LRP1B: variants seen among roughly 807,000 people sequenced by gnomAD.
LRP1B encodes LDL receptor related protein 1B.
LRP1B carries 217 observed loss-of-function variants against 556.6 expected under a neutral mutation model. That is an observed-to-expected ratio of 0.39 (90% CI 0.35 to 0.44). The LOEUF (loss-of-function observed/expected upper bound fraction) is 0.44. Ranked by LOEUF, LRP1B falls within the 20% of genes least tolerant of loss-of-function variation. LRP1B has a pLI of 1.00. For synonymous variants in LRP1B, 2,047 were observed against 1,865.8 expected (o/e 1.10, Z -2.50); for missense variants, 5,053 against 5,620.8 (o/e 0.90, Z 3.23).
intron 3 of LRP1B, among the ~76,000 whole-genome samples, chr2:141,354,604 A>ATTAT (rs1372562216): frequency 3.9e-5 from 6 of 152,014 alleles, no homozygotes; most frequent in African/African-American, 9.7e-5. Context: ...CTTTGTAGGC[A>ATTAT]TTATTTCCTA....
chr2:140,913,492 A>G (rs1694484232), intron 21 of LRP1B, among the ~76,000 whole-genome samples: 2 of 152,000 alleles, frequency 1.3e-5, no homozygotes, highest in African/African-American at 4.8e-5. Context: ...CGTAAGGAAA[A>G]AAGCATTTAA....
intron 20 of LRP1B, among the ~76,000 whole-genome samples, chr2:140,948,755 C>T (rs1695618099): frequency 6.6e-6 from 1 of 152,320 alleles, no homozygotes; most frequent in East Asian, 1.9e-4. Flanking sequence ...TGCCTCAGGG[C>T]CTATAGGCCA....
chr2:140,251,288 A>G (rs1445159172), intron 86 of LRP1B, among the ~76,000 whole-genome samples: 2 of 151,844 alleles, frequency 1.3e-5, no homozygotes, highest in African/African-American at 4.8e-5. Flanking sequence ...AGACATATAA[A>G]CCGTCTAAAA....
At chr2:142,086,477 C>A (rs531245934) in intron 1 of LRP1B, among the ~76,000 whole-genome samples, 1 of 152,046 alleles carries the variant, frequency 6.6e-6, no homozygotes, top group African/African-American at 2.4e-5. Flanking sequence ...TGGTGGCGGG[C>A]GCCTGTAGTC....
chr2:140,451,741 T>C lies in LRP1B; in HGVS notation c.9964-1080A>G, dbSNP rs189146240. On this transcript the variant is annotated intron_variant, in intron 62 of 90. Transcript: ENST00000389484. The stretch of plus-strand genomic sequence containing the variant: ...GGACAAAGAAAAATTCTGATCATTT[T>C]TTAAAAAGAGGTAAAAATAAGGCTC... Among the ~76,000 whole-genome samples the C allele has an allele frequency of 1.1e-3, 163 of 152,038 alleles. 1 individual carries two copies. Among genetic ancestry groups the C allele is most frequent in the African/African-American group, 3.8e-3 (156 of 41,502 alleles).
chr2:141,478,129 A>C (rs552076436), intron 3 of LRP1B, among the ~76,000 whole-genome samples: 50 of 152,268 alleles, frequency 3.3e-4, no homozygotes, highest in African/African-American at 1.2e-3. Flanking sequence ...ATAAAATTAA[A>C]AGTATTTTAT....
At chr2:141,610,314 T>G (rs113479220) in intron 2 of LRP1B, among the ~76,000 whole-genome samples, 3,601 of 84,206 alleles carry the variant, frequency 0.043, 161 homozygotes, top group African/African-American at 0.11. Flanking sequence ...ACTTTAAAAC[T>G]TAAAGTATAA....
At chr2:140,441,971 A>C (rs1327553283) in intron 66 of LRP1B, among the ~76,000 whole-genome samples, 1 of 152,210 alleles carries the variant, frequency 6.6e-6, no homozygotes, top group African/African-American at 2.4e-5. Flanking sequence ...ATTGTAAATA[A>C]AATTATTTTA....
At chr2:141,994,573 CTCTA>C (rs1479151298) in intron 1 of LRP1B, among the ~76,000 whole-genome samples, 2 of 151,960 alleles carry the variant, frequency 1.3e-5, no homozygotes. Context: ...GTATATCTAT[CTCTA>C]TCTCTCTATT....
chr2:141,202,374 C>T (rs761986370), intron 6 of LRP1B, among the ~76,000 whole-genome samples: 4 of 152,202 alleles, frequency 2.6e-5, no homozygotes, highest in African/African-American at 9.7e-5. Context: ...CTGCAATTAA[C>T]ATACACGTGC....
chr2:142,063,490 G>A (rs1476473465), intron 1 of LRP1B, among the ~76,000 whole-genome samples: 1 of 151,574 alleles, frequency 6.6e-6, no homozygotes, highest in African/African-American at 2.4e-5. Context: ...ACAAACAAAA[G>A]TTCTATTCAA....
At chr2:140,252,089 A>AAC (rs1558926907) in intron 86 of LRP1B, among the ~76,000 whole-genome samples, 2 of 67,254 alleles carry the variant, frequency 3.0e-5, no homozygotes, top group Admixed American at 1.8e-4. Context: ...AAAAAAAAAA[A>AAC]CCCAAAAAAC....
chr2:140,353,649 G>A (rs1682076034), intron 75 of LRP1B, among the ~76,000 whole-genome samples: 1 of 151,914 alleles, frequency 6.6e-6, no homozygotes, highest in Non-Finnish European at 1.5e-5. Flanking sequence ...ACCATATATG[G>A]GAGTGATGAT....
intron 25 of LRP1B, among the ~76,000 whole-genome samples, chr2:140,877,120 T>C (rs190792473): frequency 2.6e-4 from 39 of 152,264 alleles, no homozygotes; most frequent in African/African-American, 8.7e-4. Flanking sequence ...AAGCTGTGCT[T>C]TTGTAAAGCC....
intron 66 of LRP1B, among the ~76,000 whole-genome samples, chr2:140,430,556 C>T (rs1023745963): frequency 2.0e-5 from 3 of 152,162 alleles, no homozygotes; most frequent in African/African-American, 7.2e-5. Context: ...CAGCTTCTGT[C>T]CCTCAAGGCC....
intron 1 of LRP1B, among the ~76,000 whole-genome samples, chr2:141,919,772 A>G (rs1182265009): frequency 6.6e-6 from 1 of 152,046 alleles, no homozygotes. Flanking sequence ...ACATTTGAAT[A>G]CCTTTTGACA....
intron 10 of LRP1B, among the ~76,000 whole-genome samples, chr2:141,054,037 A>G (rs1699112797): frequency 6.6e-6 from 1 of 152,044 alleles, no homozygotes; most frequent in Admixed American, 6.6e-5. Context: ...TCAGGAATAC[A>G]AATAAAAAAT....
chr2:140,399,380 A>C (rs979597230), intron 66 of LRP1B, among the ~76,000 whole-genome samples: 12 of 152,258 alleles, frequency 7.9e-5, no homozygotes, highest in African/African-American at 2.9e-4. Flanking sequence ...AATCATTTCA[A>C]ATGTTACTCA....
intron 5 of LRP1B, among the ~76,000 whole-genome samples, chr2:141,240,921 C>T (rs1380416353): frequency 6.6e-6 from 1 of 152,060 alleles, no homozygotes; most frequent in Admixed American, 6.6e-5. Context: ...ACACATAAAA[C>T]ACCATGGTTA....
Sources: allele counts gnomAD v4.1 joint callset (sites outside exome capture counted in the v4.1 genomes callset), GRCh38; gene constraint gnomAD v4.1.1; transcripts MANE v1.5; gene names NCBI Gene and HGNC (gene_info 2026-07-23, HGNC 2026-07-21).